HMCN1: variants seen among roughly 807,000 people sequenced by gnomAD.
HMCN1 encodes hemicentin-1.
Under a neutral mutation model 625.9 loss-of-function variants are expected in HMCN1, and 321 were observed. That is an observed-to-expected ratio of 0.51 (90% CI 0.47 to 0.56). HMCN1 has a LOEUF of 0.56. Among genes scored for constraint, HMCN1 ranks in the 20% least tolerant of loss-of-function variants. The pLI is 0.00. For missense variants in HMCN1, 6,588 were observed against 6,887.3 expected (o/e 0.96, Z 1.54); for synonymous variants, 2,425 against 2,417.6 (o/e 1.00, Z -0.09).
chr1:186,054,186 C>T (rs1368085790), intron 44 of HMCN1, among the ~76,000 whole-genome samples, 200 bp downstream of exon 44: 1 of 151,958 alleles, frequency 6.6e-6, no homozygotes, highest in Non-Finnish European at 1.5e-5. Flanking sequence ...TACAGCTGTC[C>T]ACTCTGCATT....
chr1:185,865,886 A>C lies in HMCN1; in HGVS notation c.621+23A>C, dbSNP rs1263810745. ...GAGGTCAGTTTAATAAAGGGAGTCTACTTTATTACCAGCTGCCTTATCAAA... is the reference window on the plus strand; with the variant it reads ...GAGGTCAGTTTAATAAAGGGAGTCTCCTTTATTACCAGCTGCCTTATCAAA... On this transcript the variant is annotated intron_variant, in intron 4 of 106. Coordinates refer to ENST00000271588, the MANE Select transcript of HMCN1 (RefSeq NM_031935.3). The C allele has an allele frequency of 3.7e-6, 6 of 1,610,830 alleles. No individual in the cohort carries two copies. In the Admixed American group the frequency reaches 8.3e-5, roughly 22 times the overall value.
intron 4 of HMCN1, among the ~76,000 whole-genome samples, chr1:185,904,888 C>T (rs900945960): frequency 2.0e-5 from 3 of 151,720 alleles, no homozygotes; most frequent in African/African-American, 7.3e-5. Flanking sequence ...GATGCATTTA[C>T]ACCTAATCAA....
chr1:185,924,215 CTTTTTTTTTTTTTT>C (rs58164381), intron 8 of HMCN1, among the ~76,000 whole-genome samples: 7 of 43,652 alleles, frequency 1.6e-4, no homozygotes, highest in East Asian at 1.5e-3. Context: ...CTGACCCAAT[CTTTTTTTTTTTTTT>C]TTTTTTTTTT....
intron 11 of HMCN1, among the ~76,000 whole-genome samples, chr1:185,937,633 G>C (rs1017918969): frequency 1.3e-5 from 2 of 152,072 alleles, no homozygotes; most frequent in Non-Finnish European, 2.9e-5. Flanking sequence ...TGTAATCCCA[G>C]CACTTTGGGA....
rs770684209 is a variant in HMCN1 at position 185,928,584 on chromosome 1, CTT to C, written c.1471_1472del (p.Leu491ValfsTer2). The C allele has an allele frequency of 6.2e-7, 1 of 1,613,196 alleles. No homozygotes were observed. The highest frequency in any genetic ancestry group is 1.3e-5 in the African/African-American group (1 of 74,884). Reference sequence around the variant, plus strand: ...GTGAACTTAGATATTGCAAAGGTCACTTTGTCTGACGAAGGTTTCTATGAATG... The same window carrying C: ...GTGAACTTAGATATTGCAAAGGTCACTGTCTGACGAAGGTTTCTATGAATG... On this transcript the variant is annotated frameshift_variant, in exon 10 of 107. Transcript: ENST00000271588. LOFTEE classifies it high-confidence loss of function.
At chr1:185,744,028 TC>T (rs2102074663) in intron 1 of HMCN1, among the ~76,000 whole-genome samples, 1 of 139,786 alleles carries the variant, frequency 7.2e-6, no homozygotes, top group South Asian at 2.5e-4. Context: ...TCACTCTGTC[TC>T]CCAGGCTGGA....
At chr1:185,968,631 A>G (rs952270554) in intron 14 of HMCN1, among the ~76,000 whole-genome samples, 2 of 151,992 alleles carry the variant, frequency 1.3e-5, no homozygotes, top group African/African-American at 2.4e-5. Flanking sequence ...TATGCCAGAG[A>G]TAATGATCTC....
chr1:185,923,168 A>G (rs1187281688), intron 7 of HMCN1, among the ~76,000 whole-genome samples: 2 of 152,186 alleles, frequency 1.3e-5, no homozygotes, highest in African/African-American at 2.4e-5. Flanking sequence ...TTTTTTTTAC[A>G]TGTAAACATA....
chr1:185,839,756 A>G (rs1309106867), intron 1 of HMCN1, among the ~76,000 whole-genome samples: 2 of 152,158 alleles, frequency 1.3e-5, no homozygotes, highest in African/African-American at 4.8e-5. Context: ...AATTTTTTCT[A>G]CATCTCATTC....
chr1:186,076,637 C>G lies in HMCN1; in HGVS notation c.8485+15C>G, dbSNP rs926112439. 6.2e-7 allele frequency: 1 copy of G among 1,607,886 alleles called. No individual in the cohort carries two copies. The highest frequency in any genetic ancestry group is 8.5e-7 in the Non-Finnish European group (1 of 1,176,512). On this transcript the variant is annotated intron_variant, in intron 54 of 106. Coordinates refer to ENST00000271588, the MANE Select transcript of HMCN1 (RefSeq NM_031935.3). ...GATTTTGCCAGGTAAAGATTGATAC[C>G]AACAGGGTGAAAAGCTGACTCTCTG...
At chr1:185,739,059 C>T (rs1016950945) in intron 1 of HMCN1, among the ~76,000 whole-genome samples, 10 of 152,110 alleles carry the variant, frequency 6.6e-5, no homozygotes, top group East Asian at 1.9e-4. Flanking sequence ...GTCTGTTTGC[C>T]GCTTTGTGTA....
intron 66 of HMCN1, 123 bp from the exon 67 acceptor site, chr1:186,094,153 G>T (rs1659999424): frequency 1.3e-6 from 1 of 794,666 alleles, no homozygotes; most frequent in East Asian, 2.7e-5. Flanking sequence ...ATGGCTATAA[G>T]CTTCATAATT....
Position 186,039,645 on chromosome 1 carries a change from G to T in HMCN1, c.6029-83G>T. ...AACCCTCCAATAAGAACATAATATT[G>T]TAGACATTAGATGTAGTTTTCATCA... On this transcript the variant is annotated intron_variant, in intron 38 of 106. Transcript: ENST00000271588. 7 of 1,391,352 alleles carry T rather than the reference G, an allele frequency of 5.0e-6. No homozygotes were observed. In the South Asian group the frequency reaches 5.8e-5, roughly 12 times the overall value. 86.2% of individuals were successfully genotyped at this position (1,391,352 alleles called of 1,614,324 possible). A position where few individuals can be genotyped will look rare whatever the true frequency, so the allele number is the denominator to read the frequency against.
Position 186,054,063 on chromosome 1 carries a change from A to G in HMCN1, c.6862+77A>G, listed in dbSNP as rs560402297. The G allele has an allele frequency of 2.2e-6, 3 of 1,365,712 alleles. No individual in the cohort carries two copies. The South Asian group carries it at 3.5e-5, about 16-fold the overall frequency. 84.6% of individuals were successfully genotyped at this position (1,365,712 alleles called of 1,614,324 possible). ...ATCCTTCTCATTTACTTTTAAAAAT[A>G]TCTTTAATGTTCATTCAAAATGGTA... On this transcript the variant is annotated intron_variant, in intron 44 of 106. Coordinates refer to ENST00000271588, the MANE Select transcript of HMCN1 (RefSeq NM_031935.3).
intron 97 of HMCN1, among the ~76,000 whole-genome samples, chr1:186,158,821 C>T (rs373462661): frequency 2.0e-5 from 3 of 151,994 alleles, no homozygotes; most frequent in Admixed American, 6.6e-5. Flanking sequence ...CAGTACCATG[C>T]TGTTTTGGTT....
chr1:185,886,426 T>G (rs1361474895), intron 4 of HMCN1, among the ~76,000 whole-genome samples: 1 of 152,086 alleles, frequency 6.6e-6, no homozygotes, highest in Non-Finnish European at 1.5e-5. Context: ...AACTTGAAAA[T>G]AAAGCTAGAA....
In HMCN1 at chr1:185,884,828, C is replaced by T. The variant is rs191835977; in HGVS notation, c.621+18965C>T. Among the ~76,000 whole-genome samples the T allele has an allele frequency of 8.8e-4, 133 of 151,980 alleles. 1 individual carries two copies. The highest frequency in any genetic ancestry group is 3.9e-4 in the East Asian group (2 of 5,178). ...AAATCAGAGCAGTTGTACTTTATTA[C>T]GTTATATATTGATTATTCTGAAAAA... On this transcript the variant is annotated intron_variant, in intron 4 of 106. Transcript: ENST00000271588.
At chr1:186,186,637 T>C (rs1653328949) in intron 105 of HMCN1, among the ~76,000 whole-genome samples, 1 of 152,190 alleles carries the variant, frequency 6.6e-6, no homozygotes, top group Admixed American at 6.5e-5. Flanking sequence ...ATTCTCTGTT[T>C]ATCCTCTGAG....
At chr1:185,825,273 G>GT in intron 1 of HMCN1, among the ~76,000 whole-genome samples, 2 of 152,242 alleles carry the variant, frequency 1.3e-5, no homozygotes, top group Admixed American at 1.3e-4. Flanking sequence ...TGTAGAAGTA[G>GT]TATAATAGCA....
Sources: allele counts gnomAD v4.1 joint callset (sites outside exome capture counted in the v4.1 genomes callset), GRCh38; gene constraint gnomAD v4.1.1; transcripts MANE v1.5; gene names NCBI Gene and HGNC (gene_info 2026-07-23, HGNC 2026-07-21).